MAPK12: variants seen among roughly 807,000 people sequenced by gnomAD.
MAPK12 encodes mitogen-activated protein kinase 12.
In MAPK12, 49 loss-of-function variants were observed where a neutral mutation model predicts 49.1. The ratio of observed to expected loss-of-function variants is 1.00; its 90% CI spans 0.79 to 1.27. MAPK12 has a LOEUF of 1.27. MAPK12 is among the 50% of genes most tolerant of loss of function. MAPK12 has a pLI of 0.00. For synonymous variants in MAPK12, 251 were observed against 209.7 expected (o/e 1.20, Z -1.70); for missense variants, 554 against 502.4 (o/e 1.10, Z -0.98).
chr22:50,256,884 G>T, intron 5 of MAPK12, 51 bp downstream of exon 5: 1 of 1,591,938 alleles, frequency 6.3e-7, no homozygotes. Flanking sequence ...GTGGAGGCGG[G>T]GGGATTGCAC....
chr22:50,254,864 C>T (rs1466205034), intron 11 of MAPK12: 1 of 1,209,582 alleles, frequency 8.3e-7, no homozygotes, highest in Non-Finnish European at 1.0e-6. Context: ...CCGGCTCCTT[C>T]TGTGCCAGCC....
rs2065152676 is a variant in MAPK12, at chr22:50,256,596, C to T, written c.504+3G>A. 6.2e-7 allele frequency: 1 copy of T among 1,611,260 alleles called. No homozygotes were observed. The highest frequency in any genetic ancestry group is 1.3e-5 in the African/African-American group (1 of 74,882). On this transcript the variant is annotated splice_donor_region_variant and intron_variant, in intron 6 of 11. Coordinates refer to ENST00000215659, the MANE Select transcript of MAPK12 (RefSeq NM_002969.6). Reference sequence around the variant, plus strand: ...TCAGGGCCCCCTGCCAGGCAGCACACACCTTCAGCTCACAGTCTTCGTTCA... The same window carrying T: ...TCAGGGCCCCCTGCCAGGCAGCACATACCTTCAGCTCACAGTCTTCGTTCA...
At chr22:50,256,031 T>C (rs2065146663) in intron 7 of MAPK12, 54 bp downstream of exon 7, 4 of 1,550,408 alleles carry the variant, frequency 2.6e-6, no homozygotes. Context: ...CGTGAAGAAG[T>C]GGAGAAGCAG....
intron 2 of MAPK12, among the ~76,000 whole-genome samples, chr22:50,259,958 G>A (rs2065193477): frequency 6.7e-6 from 1 of 149,102 alleles, no homozygotes; most frequent in African/African-American, 2.5e-5. Context: ...TGAGTGGGTG[G>A]GTGGGAGCAG....
chr22:50,253,769 A>G, intron 11 of MAPK12: 1 of 494,842 alleles, frequency 2.0e-6, no homozygotes. Context: ...AGAGGATCCT[A>G]TGGCCCATGG....
chr22:50,260,277 C>T (rs939207307), intron 2 of MAPK12, among the ~76,000 whole-genome samples: 19 of 150,948 alleles, frequency 1.3e-4, no homozygotes, highest in African/African-American at 3.7e-4. Flanking sequence ...CGCAGGGACT[C>T]GTTCTCCCAA....
intron 2 of MAPK12, among the ~76,000 whole-genome samples, chr22:50,260,421 G>A (rs907994433): frequency 4.6e-5 from 7 of 152,124 alleles, no homozygotes; most frequent in Non-Finnish European, 7.4e-5. Context: ...GGGGGCAGTG[G>A]ACAAGTGGGA....
intron 3 of MAPK12, chr22:50,257,811 G>A (rs2065165499): frequency 1.4e-6 from 1 of 716,480 alleles, no homozygotes; most frequent in African/African-American, 1.7e-5. Flanking sequence ...CAGGGTGTGA[G>A]TCCCAGGGTG....
intron 11 of MAPK12, 22 bp from the exon 12 acceptor site, chr22:50,253,502 G>GGGGGGGGCCCCCCCCCCCCCCCC: frequency 5.8e-6 from 1 of 171,668 alleles, no homozygotes. Context: ...GGGGGGGCGG[G>GGGGGGGGCCCCCCCCCCCCCCCC]CACAACAGAG....
intron 2 of MAPK12, chr22:50,260,812 C>G (rs1004865381): frequency 5.6e-6 from 1 of 177,090 alleles, no homozygotes; most frequent in African/African-American, 2.4e-5. Flanking sequence ...ATCCTCCCGC[C>G]GGGAGCATGC....
intron 6 of MAPK12, 150 bp from the exon 7 acceptor site, chr22:50,256,349 A>G: frequency 1.4e-6 from 1 of 736,262 alleles, no homozygotes; most frequent in Non-Finnish European, 2.2e-6. Flanking sequence ...ACGCCCTCGG[A>G]CCCCAAACTG....
chr22:50,260,653 G>A (rs1217947837), intron 2 of MAPK12, among the ~76,000 whole-genome samples: 2 of 152,190 alleles, frequency 1.3e-5, no homozygotes, highest in African/African-American at 4.8e-5. Context: ...GGGCTCCTGA[G>A]GGTTCAACAC....
At chr22:50,261,096 TG>T (rs2065207732) in intron 2 of MAPK12, 70 bp downstream of exon 2, 4 of 1,416,142 alleles carry the variant, frequency 2.8e-6, no homozygotes, top group African/African-American at 1.5e-5. Context: ...GGTTGCCGGG[TG>T]GGGGAACCCA....
intron 11 of MAPK12, 168 bp from the exon 12 acceptor site, chr22:50,253,648 G>T (rs2065121088): frequency 3.3e-6 from 2 of 604,446 alleles, no homozygotes; most frequent in Non-Finnish European, 5.9e-6. Context: ...CATTGCTCTA[G>T]ATCTGGATTT....
At chr22:50,257,430 G>A in intron 3 of MAPK12, 1 of 574,620 alleles carries the variant, frequency 1.7e-6, no homozygotes, top group Non-Finnish European at 3.1e-6. Context: ...CTCCCACCCT[G>A]AGGACTGTCA....
chr22:50,257,307 A>G, intron 3 of MAPK12, 114 bp from the exon 4 acceptor site: 1 of 748,336 alleles, frequency 1.3e-6, no homozygotes. Context: ...ACCCCCAGGA[A>G]GGTCACCCCT....
chr22:50,253,502 G>GGGGAGGGGA, intron 11 of MAPK12, 22 bp from the exon 12 acceptor site: 1 of 171,686 alleles, frequency 5.8e-6, no homozygotes, highest in Non-Finnish European at 1.1e-5. Context: ...GGGGGGGCGG[G>GGGGAGGGGA]CACAACAGAG....
chr22:50,260,072 G>A (rs1056105803), intron 2 of MAPK12, among the ~76,000 whole-genome samples: 10 of 151,332 alleles, frequency 6.6e-5, no homozygotes, highest in South Asian at 2.1e-4. Context: ...TGGGTGTGAC[G>A]GGGTGTCGAG....
rs765790100 is a variant in MAPK12 at position 50,255,306 on chromosome 22, C to T, written c.915G>A (p.Ala305=). The T allele has an allele frequency of 6.2e-6, 10 of 1,613,474 alleles. No individual in the cohort carries two copies. The Admixed American group carries it at 8.3e-5, about 13-fold the overall frequency. Residue 305 remains alanine, a synonymous_variant, in exon 11 of 12, where the codon GCG becomes GCA. Coordinates refer to ENST00000215659, the MANE Select transcript of MAPK12 (RefSeq NM_002969.6). ...DAEQRVTAGE[A]LAHPYFESLH... ...GGGACTCGAAGTAGGGATGGGCCAG[C>T]GCCTCGCCTGCCGTCACCCGCTGCT... is the stretch of plus-strand genomic sequence containing the variant.
Sources: allele counts gnomAD v4.1 joint callset (sites outside exome capture counted in the v4.1 genomes callset), GRCh38; gene constraint gnomAD v4.1.1; transcripts MANE v1.5; gene names NCBI Gene and HGNC (gene_info 2026-07-23, HGNC 2026-07-21).